The following SLC25A26 variants were observed in gnomAD, a reference collection of about 807,000 sequenced individuals.
The protein encoded by SLC25A26 is solute carrier family 25 member 26, also known as mitochondrial S-adenosylmethionine carrier protein.
In SLC25A26, 36 loss-of-function variants were observed where a neutral mutation model predicts 37.8. The observed-to-expected ratio is 0.95, with a 90% CI of 0.73 to 1.26. SLC25A26 has a LOEUF of 1.26. Among genes scored for constraint, SLC25A26 ranks in the 50% most tolerant of loss-of-function variants. The probability of loss-of-function intolerance (pLI) is 0.00; values close to 1 mark genes in which losing one functional copy is unlikely to be tolerated. For synonymous variants in SLC25A26, 129 were observed against 122.5 expected (o/e 1.05, Z -0.35); for missense variants, 390 against 331.1 (o/e 1.18, Z -1.38).
intron 7 of SLC25A26, among the ~76,000 whole-genome samples, chr3:66,364,205 G>T (rs982006401): frequency 6.6e-6 from 1 of 151,778 alleles, no homozygotes; most frequent in African/African-American, 2.4e-5. Flanking sequence ...TTTGCTTGCA[G>T]AGACATTGTT....
intron 5 of SLC25A26, among the ~76,000 whole-genome samples, chr3:66,346,063 C>T (rs1481825661): frequency 1.3e-5 from 2 of 152,094 alleles, no homozygotes; most frequent in African/African-American, 2.4e-5. Flanking sequence ...GGTGTGGTGG[C>T]GTGTGCCTGT....
chr3:66,158,537 T>G (rs2070314833), intron 1 of SLC25A26, among the ~76,000 whole-genome samples: 1 of 152,202 alleles, frequency 6.6e-6, no homozygotes. Flanking sequence ...CAACCTGTTT[T>G]CCGAAGTGGC....
intron 1 of SLC25A26, among the ~76,000 whole-genome samples, chr3:66,176,080 G>A (rs1251564740): frequency 6.6e-6 from 1 of 152,108 alleles, no homozygotes; most frequent in Non-Finnish European, 1.5e-5. Context: ...GCTTGAACAT[G>A]ATGTTTGGAA....
intron 5 of SLC25A26, among the ~76,000 whole-genome samples, chr3:66,302,714 G>T (rs2075111508): frequency 6.6e-6 from 1 of 152,168 alleles, no homozygotes; most frequent in Non-Finnish European, 1.5e-5. Context: ...ACATTGAGCT[G>T]GGCAGGTGTG....
intron 5 of SLC25A26, among the ~76,000 whole-genome samples, chr3:66,269,801 T>A (rs564691344): frequency 2.2e-4 from 33 of 152,314 alleles, no homozygotes; most frequent in Middle Eastern, 6.8e-3. Context: ...TGTGTATGTT[T>A]GTGTGAAATT....
intron 5 of SLC25A26, among the ~76,000 whole-genome samples, chr3:66,269,965 A>G (rs766621409): frequency 2.0e-5 from 3 of 152,184 alleles, no homozygotes; most frequent in Non-Finnish European, 4.4e-5. Flanking sequence ...TCTTCTACAC[A>G]GTGAGCACTC....
At chr3:66,245,419 C>T (rs2072786374) in intron 3 of SLC25A26, among the ~76,000 whole-genome samples, 1 of 152,122 alleles carries the variant, frequency 6.6e-6, no homozygotes, top group Non-Finnish European at 1.5e-5. Context: ...TCAAATCACA[C>T]AGCCTGGTAT....
intron 9 of SLC25A26, among the ~76,000 whole-genome samples, chr3:66,374,410 G>A (rs1238250863): frequency 2.0e-5 from 3 of 152,146 alleles, no homozygotes; most frequent in East Asian, 1.9e-4. Flanking sequence ...CACCGAAGAC[G>A]GCAAACTTAA....
chr3:66,276,626 G>GTCT (rs33928874), intron 5 of SLC25A26, among the ~76,000 whole-genome samples: 52,874 of 151,558 alleles, frequency 0.35, 12,528 homozygotes, highest in African/African-American at 0.67. Flanking sequence ...ACTGATTGTA[G>GTCT]TCTGTCCTTT....
chr3:66,220,631 A>G (rs2071442319), upstream of SLC25A26: 1 of 162,676 alleles, frequency 6.1e-6, no homozygotes, highest in Admixed American at 6.5e-5. Flanking sequence ...AAACTAAGAG[A>G]TAAACCAAAA....
At chr3:66,251,557 C>G (rs1044315598) in intron 3 of SLC25A26, among the ~76,000 whole-genome samples, 2 of 152,284 alleles carry the variant, frequency 1.3e-5, no homozygotes, top group African/African-American at 4.8e-5. Flanking sequence ...TCTGAGCTAA[C>G]ACGCAGAGAG....
Position 66,221,126 on chromosome 3 carries a change from T to C in SLC25A26, c.32T>C (p.Val11Ala). ...CGGCCGGGGTTCGTGGCAGCGCTGGTGGTGAGTGCGGGGCGGTGGGGTGGG... is the reference window on the plus strand; with the variant it reads ...CGGCCGGGGTTCGTGGCAGCGCTGGCGGTGAGTGCGGGGCGGTGGGGTGGG... Reference protein sequence around the residue: MDRPGFVAALVAGGVAGVSVD... With the variant: MDRPGFVAALAAGGVAGVSVD... The change falls in exon 1 of 10, where the codon GTG becomes GCG. Residue 11 changes from valine (V) to alanine (A), a missense_variant and splice_region_variant. Coordinates refer to ENST00000354883, the MANE Select transcript of SLC25A26 (RefSeq NM_001379210.1). The C allele has an allele frequency of 1.3e-6, 2 of 1,527,410 alleles. No individual in the cohort carries two copies. The highest frequency in any genetic ancestry group is 1.8e-6 in the Non-Finnish European group (2 of 1,142,382). 94.6% of individuals were successfully genotyped at this position (1,527,410 alleles called of 1,614,324 possible).
At chr3:66,223,046 T>C (rs894457203) in intron 1 of SLC25A26, among the ~76,000 whole-genome samples, 56 of 152,256 alleles carry the variant, frequency 3.7e-4, no homozygotes, top group Non-Finnish European at 7.3e-5. Context: ...CCACTGGGTA[T>C]TGTGGTAGGC....
intron 5 of SLC25A26, among the ~76,000 whole-genome samples, chr3:66,334,769 C>A (rs528283266): frequency 1.4e-4 from 21 of 152,202 alleles, no homozygotes; most frequent in African/African-American, 5.1e-4. Context: ...GCTTTGAGGG[C>A]AGCCATAGCT....
At chr3:66,296,106 G>T (rs886513352) in intron 5 of SLC25A26, among the ~76,000 whole-genome samples, 11 of 152,038 alleles carry the variant, frequency 7.2e-5, no homozygotes, top group Non-Finnish European at 1.5e-5. Context: ...GGCAGAGCAA[G>T]ACTCCGTCTT....
At chr3:66,175,883 T>G (rs1019088632) in intron 1 of SLC25A26, among the ~76,000 whole-genome samples, 1 of 152,232 alleles carries the variant, frequency 6.6e-6, no homozygotes, top group Non-Finnish European at 1.5e-5. Flanking sequence ...CATCTGAGAA[T>G]ACTGTTTGAC....
intron 7 of SLC25A26, among the ~76,000 whole-genome samples, chr3:66,366,877 G>A (rs550873758): frequency 1.9e-4 from 29 of 152,312 alleles, no homozygotes; most frequent in African/African-American, 6.5e-4. Flanking sequence ...TGTGGCCTGG[G>A]CAAGTAAGTT....
intron 5 of SLC25A26, among the ~76,000 whole-genome samples, chr3:66,267,361 G>C (rs985906110): frequency 6.6e-6 from 1 of 152,194 alleles, no homozygotes; most frequent in East Asian, 1.9e-4. Flanking sequence ...CATGACCATA[G>C]AAGAGAGTGC....
At chr3:66,359,420 C>T (rs948460766) in intron 6 of SLC25A26, among the ~76,000 whole-genome samples, 2 of 152,194 alleles carry the variant, frequency 1.3e-5, no homozygotes, top group African/African-American at 4.8e-5. Context: ...TTTCTTATCA[C>T]ATTCACATCT....
Sources: gnomAD v4.1 joint callset for allele counts (sites outside exome capture counted in the v4.1 genomes callset) on GRCh38, gnomAD v4.1.1 for gene constraint, MANE v1.5 for transcripts, NCBI Gene and HGNC (gene_info 2026-07-23, HGNC 2026-07-21) for gene names.